Variants in IPO5 observed in about 807,000 individuals in gnomAD.
The protein encoded by IPO5 is importin 5, also known as importin-5.
In IPO5, 18 loss-of-function variants were observed where a neutral mutation model predicts 143.3. The observed-to-expected ratio is 0.13, with a 90% CI of 0.09 to 0.19. IPO5 has a LOEUF of 0.19. IPO5 is among the 10% of genes least tolerant of loss of function. IPO5 has a pLI of 1.00. For synonymous variants in IPO5, 477 were observed against 465.7 expected, an observed-to-expected ratio of 1.02 and a Z score of -0.31; for missense variants, 1,013 against 1,336.9, an observed-to-expected ratio of 0.76 and a Z score of 3.78.
In IPO5 at chr13:98,023,911, C is replaced by T. The variant is rs1395981941; in HGVS notation, c.*2089C>T. 1 of 152,130 alleles carries T rather than the reference C, an allele frequency of 6.6e-6. No homozygotes were observed. The highest frequency in any genetic ancestry group is 1.5e-5 in the Non-Finnish European group (1 of 68,036). The allele number at this position is 152,130 out of a possible 1,614,324, so 9.4% of individuals were successfully genotyped here. A position where few individuals can be genotyped will look rare whatever the true frequency, so the allele number is the denominator to read the frequency against. ...ATGAACTAACAATTCTTTGAAAGGA[C>T]CTGCAGAAGCATTTTTAATACCTCA... On this transcript the variant is annotated 3_prime_UTR_variant, in exon 29 of 29. Transcript: ENST00000651721.
chr13:98,014,282 A>G, intron 22 of IPO5, 68 bp downstream of exon 22: 1 of 1,161,294 alleles, frequency 8.6e-7, no homozygotes, highest in Non-Finnish European at 1.2e-6. Flanking sequence ...GCTAAAAGTA[A>G]AAAAAAAAAA....
intron 6 of IPO5, 73 bp downstream of exon 6, chr13:97,985,686 CT>C: frequency 1.0e-6 from 1 of 967,100 alleles, no homozygotes; most frequent in South Asian, 1.4e-5. Context: ...TTAATGGAAT[CT>C]TTTAGAGTAA....
chr13:98,015,586 A>G lies in IPO5; in HGVS notation c.2382A>G (p.Gly794=). The change falls in exon 23 of 29, where the codon GGA becomes GGG. Residue 794 remains glycine, a synonymous_variant. Coordinates refer to ENST00000651721, the MANE Select transcript of IPO5 (RefSeq NM_002271.6). The part of the protein sequence containing the change: ...CLNNEHFEEL[G]GILKAKLEEH... ...ATAATGAACACTTTGAAGAACTGGGAGGTATATTGAAAGCAAAGCTTGAAG... is the reference window on the plus strand; with the variant it reads ...ATAATGAACACTTTGAAGAACTGGGGGGTATATTGAAAGCAAAGCTTGAAG... 1 of 1,612,710 alleles carries G rather than the reference A, an allele frequency of 6.2e-7. No individual in the cohort carries two copies.
intron 2 of IPO5, among the ~76,000 whole-genome samples, chr13:97,958,500 A>C (rs1363433842): frequency 6.6e-6 from 1 of 152,108 alleles, no homozygotes; most frequent in African/African-American, 2.4e-5. Context: ...TCCTTTGCTC[A>C]GGACCCTCTA....
At chr13:97,997,732 C>A in intron 12 of IPO5, 114 bp downstream of exon 12, 1 of 473,458 alleles carries the variant, frequency 2.1e-6, no homozygotes. Flanking sequence ...GAATATGGGG[C>A]ACTTTGCCTT....
chr13:97,953,917 A>C (rs1299622808), intron 1 of IPO5: 4 of 456,096 alleles, frequency 8.8e-6, no homozygotes, highest in Admixed American at 7.1e-5. Flanking sequence ...AACATTCTAC[A>C]CAAAAACCAA....
intron 7 of IPO5, among the ~76,000 whole-genome samples, chr13:97,989,657 T>G (rs980691373): frequency 1.3e-5 from 2 of 152,208 alleles, no homozygotes; most frequent in African/African-American, 4.8e-5. Context: ...TGTGCTATAT[T>G]TTTTTACTAC....
chr13:97,959,920 G>A (rs1337982442), intron 2 of IPO5, among the ~76,000 whole-genome samples: 4 of 152,212 alleles, frequency 2.6e-5, no homozygotes, highest in Admixed American at 1.3e-4. Flanking sequence ...CATGCTCACC[G>A]TGGAATCCCC....
intron 11 of IPO5, among the ~76,000 whole-genome samples, chr13:97,994,343 T>C (rs1177698653): frequency 6.6e-6 from 1 of 152,180 alleles, no homozygotes. Context: ...TATTGCTTAT[T>C]TGTAGGCTAT....
chr13:97,990,006 A>G (rs1262390313), intron 7 of IPO5, 120 bp from the exon 8 acceptor site: 13 of 645,536 alleles, frequency 2.0e-5, no homozygotes, highest in Admixed American at 1.7e-4. Context: ...ATGATGTTCA[A>G]CCTATGGATT....
At chr13:97,975,999 T>C (rs1204042965) in intron 3 of IPO5, 5 of 981,286 alleles carry the variant, frequency 5.1e-6, no homozygotes, top group Non-Finnish European at 6.0e-6. Flanking sequence ...GAGTAGAAGG[T>C]ACGTAGGAAG....
intron 5 of IPO5, among the ~76,000 whole-genome samples, chr13:97,982,983 G>A (rs1023971480): frequency 6.6e-6 from 1 of 152,218 alleles, no homozygotes; most frequent in Admixed American, 6.5e-5. Flanking sequence ...CAGTTCTCCT[G>A]CCTCAGCTTC....
chr13:97,985,639 A>G (rs1887272863), intron 6 of IPO5, 26 bp downstream of exon 6: 1 of 1,517,266 alleles, frequency 6.6e-7, no homozygotes, highest in Non-Finnish European at 9.1e-7. Flanking sequence ...CACTCATGTT[A>G]CCAAGAACAT....
Position 98,012,235 on chromosome 13 carries a change from T to C in IPO5, c.2056-11T>C. On this transcript the variant is annotated splice_polypyrimidine_tract_variant and intron_variant, in intron 20 of 28. Coordinates refer to ENST00000651721, the MANE Select transcript of IPO5 (RefSeq NM_002271.6). Reference sequence around the variant, plus strand: ...ATGAATCTTTATTTCCTCCCAATACTTTGGTTACAGGTTTGCTATGCTAAG... The same window carrying C: ...ATGAATCTTTATTTCCTCCCAATACCTTGGTTACAGGTTTGCTATGCTAAG... 1 of 1,527,804 alleles carries C rather than the reference T, an allele frequency of 6.5e-7. No individual in the cohort carries two copies. 94.6% of individuals were successfully genotyped at this position (1,527,804 alleles called of 1,614,324 possible).
chr13:97,999,812 C>T (rs1831503486), intron 12 of IPO5, among the ~76,000 whole-genome samples: 1 of 152,186 alleles, frequency 6.6e-6, no homozygotes, highest in African/African-American at 2.4e-5. Flanking sequence ...GAAGATTATA[C>T]ATTCTCTGCA....
chr13:97,989,927 C>T (rs1395666141), intron 7 of IPO5, among the ~76,000 whole-genome samples, 199 bp from the exon 8 acceptor site: 1 of 152,148 alleles, frequency 6.6e-6, no homozygotes, highest in Non-Finnish European at 1.5e-5. Flanking sequence ...CCTCTACTCC[C>T]AGCCCAGACT....
At chr13:97,961,297 A>G (rs919464584) in intron 2 of IPO5, among the ~76,000 whole-genome samples, 1 of 152,144 alleles carries the variant, frequency 6.6e-6, no homozygotes, top group Non-Finnish European at 1.5e-5. Context: ...TTCATGTACA[A>G]GTTTTTGTGT....
Position 97,990,236 on chromosome 13 carries a change from A to G in IPO5, c.564+14A>G, listed in dbSNP as rs992468059. 3 of 1,516,080 alleles carry G rather than the reference A, an allele frequency of 2.0e-6. No individual in the cohort carries two copies. Among genetic ancestry groups the G allele is most frequent in the Non-Finnish European group, 2.7e-6 (3 of 1,092,686 alleles). 93.9% of individuals were successfully genotyped at this position (1,516,080 alleles called of 1,614,324 possible). A position where few individuals can be genotyped will look rare whatever the true frequency, so the allele number is the denominator to read the frequency against. Reference sequence around the variant, plus strand: ...GAACACCCGTCGGTAAATAATTTCAATCCTATTAATATAACCATCTATTTT... The same window carrying G: ...GAACACCCGTCGGTAAATAATTTCAGTCCTATTAATATAACCATCTATTTT... On this transcript the variant is annotated intron_variant, in intron 8 of 28. Coordinates refer to ENST00000651721, the MANE Select transcript of IPO5 (RefSeq NM_002271.6).
intron 1 of IPO5, 167 bp from the exon 2 acceptor site, chr13:97,953,952 A>G (rs1454627201): frequency 2.2e-6 from 1 of 455,784 alleles, no homozygotes; most frequent in Admixed American, 2.4e-5. Context: ...CGATTTCATG[A>G]TGGCTCATTG....
Sources: gnomAD v4.1 joint callset for allele counts (sites outside exome capture counted in the v4.1 genomes callset) on GRCh38, gnomAD v4.1.1 for gene constraint, MANE v1.5 for transcripts, NCBI Gene and HGNC (gene_info 2026-07-23, HGNC 2026-07-21) for gene names.